The following NRG3 variants were observed in gnomAD, a reference collection of about 807,000 sequenced individuals.
The protein encoded by NRG3 is neuregulin 3.
A neutral mutation model predicts 66.9 loss-of-function variants in NRG3; 31 were observed. The observed-to-expected ratio is 0.46, with a 90% CI of 0.35 to 0.63. NRG3 has a LOEUF of 0.63. Ranked by LOEUF, NRG3 falls within the 20% of genes least tolerant of loss-of-function variation. The pLI, the probability that NRG3 is intolerant of heterozygous loss-of-function variation, is 0.00. For synonymous variants in NRG3, 393 were observed against 359.4 expected (o/e 1.09, Z -1.06); for missense variants, 910 against 878.9 (o/e 1.04, Z -0.45).
At chr10:82,055,423 A>G (rs1039035717) in intron 1 of NRG3, among the ~76,000 whole-genome samples, 9 of 137,970 alleles carry the variant, frequency 6.5e-5, no homozygotes, top group African/African-American at 2.4e-4. Context: ...TTTGCAGTGA[A>G]CCAAGATTGC....
chr10:82,098,738 C>CTTAT lies in NRG3; in HGVS notation c.823+222587_823+222590dup, dbSNP rs2066534234. On this transcript the variant is annotated intron_variant, in intron 1 of 8. Coordinates refer to ENST00000372141, the MANE Select transcript of NRG3 (RefSeq NM_001010848.4). ...GTATTTTTCCCAATTTGTGGTTTGT[C>CTTAT]TTATTTATTTATTTAGATAGCATCT... 1.3e-5 allele frequency among the ~76,000 whole-genome samples: 2 copies of CTTAT among 151,914 alleles called. 1 individual carries two copies. The highest frequency in any genetic ancestry group is 4.1e-4 in the South Asian group (2 of 4,822).
At chr10:81,991,625 A>C (rs1269797107) in intron 1 of NRG3, among the ~76,000 whole-genome samples, 1 of 152,188 alleles carries the variant, frequency 6.6e-6, no homozygotes, top group Non-Finnish European at 1.5e-5. Flanking sequence ...ATAAAAGCCT[A>C]TTTACCAGTT....
At chr10:82,223,652 C>A (rs943144248) in intron 1 of NRG3, among the ~76,000 whole-genome samples, 1 of 144,664 alleles carries the variant, frequency 6.9e-6, no homozygotes, top group African/African-American at 2.7e-5. Flanking sequence ...AACACACACA[C>A]ACACACACAC....
intron 2 of NRG3, among the ~76,000 whole-genome samples, chr10:82,579,513 G>C (rs578114940): frequency 6.6e-6 from 1 of 151,842 alleles, no homozygotes; most frequent in Admixed American, 6.6e-5. Flanking sequence ...AATTCCATTC[G>C]TATGTCTATA....
chr10:82,625,169 G>A (rs1042106057), intron 2 of NRG3, among the ~76,000 whole-genome samples: 1 of 151,720 alleles, frequency 6.6e-6, no homozygotes, highest in Non-Finnish European at 1.5e-5. Context: ...GCCACTTAAG[G>A]ATAAGGACAG....
chr10:82,014,153 A>G lies in NRG3; in HGVS notation c.823+137990A>G, dbSNP rs147129230. ...ATTGTAGCTCTTGAGGAATTTAGAAAGGGAGAGATCTTTAGGGGCTGGGAA... is the reference window on the plus strand; with the variant it reads ...ATTGTAGCTCTTGAGGAATTTAGAAGGGGAGAGATCTTTAGGGGCTGGGAA... On this transcript the variant is annotated intron_variant, in intron 1 of 8. Coordinates refer to ENST00000372141, the MANE Select transcript of NRG3 (RefSeq NM_001010848.4). Among the ~76,000 whole-genome samples the G allele has an allele frequency of 1.4e-4, 22 of 152,320 alleles. No individual in the cohort carries two copies. In the East Asian group the frequency reaches 4.3e-3, roughly 29 times the overall value.
At chr10:82,950,965 A>AT (rs1430295823) in intron 4 of NRG3, among the ~76,000 whole-genome samples, 5 of 152,020 alleles carry the variant, frequency 3.3e-5, no homozygotes, top group Admixed American at 1.3e-4. Context: ...GTGCCTATTG[A>AT]TTTTTTCTTC....
At chr10:82,456,548 T>A (rs1191177087) in intron 2 of NRG3, among the ~76,000 whole-genome samples, 1 of 152,074 alleles carries the variant, frequency 6.6e-6, no homozygotes, top group Non-Finnish European at 1.5e-5. Flanking sequence ...CACTAGGTAA[T>A]AGAAATTTTT....
intron 1 of NRG3, among the ~76,000 whole-genome samples, chr10:82,286,535 GCAGA>G (rs1486455024): frequency 1.3e-5 from 2 of 152,100 alleles, no homozygotes; most frequent in African/African-American, 2.4e-5. Context: ...GTAACAATGT[GCAGA>G]CAATTTAATT....
chr10:82,810,769 T>G lies in NRG3; in HGVS notation c.1028-54642T>G, dbSNP rs375075621. On this transcript the variant is annotated intron_variant, in intron 3 of 8. Transcript: ENST00000372141. ...AAAAAAAAAAAAAAGAAGAAGCGACTGCAATAGTCCAAGCCAGTGATGCTG... is the reference window on the plus strand; with the variant it reads ...AAAAAAAAAAAAAAGAAGAAGCGACGGCAATAGTCCAAGCCAGTGATGCTG... Among the ~76,000 whole-genome samples, 56 of 148,418 alleles carry G rather than the reference T, an allele frequency of 3.8e-4. No individual in the cohort carries two copies. The East Asian group carries it at 9.8e-3, about 26-fold the overall frequency.
intron 1 of NRG3, among the ~76,000 whole-genome samples, chr10:82,026,136 A>G (rs976620825): frequency 6.6e-6 from 1 of 151,956 alleles, no homozygotes; most frequent in Non-Finnish European, 1.5e-5. Context: ...TCCTTTCCAA[A>G]GCAAATGAAA....
chr10:82,113,765 G>C (rs888625049), intron 1 of NRG3, among the ~76,000 whole-genome samples: 2 of 151,942 alleles, frequency 1.3e-5, no homozygotes, highest in East Asian at 1.9e-4. Context: ...CAAGGTGAAG[G>C]GTATGTGAAA....
chr10:82,326,688 T>C (rs1000407850), intron 1 of NRG3, among the ~76,000 whole-genome samples: 4 of 152,146 alleles, frequency 2.6e-5, no homozygotes, highest in Non-Finnish European at 5.9e-5. Context: ...ATCCAGTGCA[T>C]TTGTTATTTC....
chr10:81,898,978 A>C (rs1843775604), intron 1 of NRG3, among the ~76,000 whole-genome samples: 1 of 152,170 alleles, frequency 6.6e-6, no homozygotes, highest in African/African-American at 2.4e-5. Flanking sequence ...TAATTTTCTT[A>C]AATTTTTCAT....
chr10:82,972,435 A>G (rs1029549466), intron 6 of NRG3, among the ~76,000 whole-genome samples: 1 of 152,136 alleles, frequency 6.6e-6, no homozygotes. Flanking sequence ...TAAAGCCGAC[A>G]TTTTAAGAAA....
intron 1 of NRG3, among the ~76,000 whole-genome samples, chr10:81,976,568 A>G (rs962174218): frequency 1.3e-5 from 2 of 152,234 alleles, no homozygotes; most frequent in African/African-American, 4.8e-5. Flanking sequence ...CAATGGAAAG[A>G]AACACATTTT....
chr10:82,817,040 A>T (rs2061740382), intron 3 of NRG3, among the ~76,000 whole-genome samples: 2 of 152,352 alleles, frequency 1.3e-5, no homozygotes, highest in Non-Finnish European at 2.9e-5. Context: ...AAGAAATTGT[A>T]TCAGTTTTGG....
chr10:82,701,409 A>C (rs2055870717), intron 2 of NRG3, among the ~76,000 whole-genome samples: 2 of 152,130 alleles, frequency 1.3e-5, no homozygotes, highest in Admixed American at 1.3e-4. Flanking sequence ...TCAGAATTAC[A>C]TGGTTGTTCT....
chr10:82,268,336 C>T lies in NRG3; in HGVS notation c.824-90403C>T, dbSNP rs148110899. 4.7e-3 allele frequency among the ~76,000 whole-genome samples: 720 copies of T among 152,222 alleles called. 6 individuals carry two copies. The highest frequency in any genetic ancestry group is 0.017 in the African/African-American group (690 of 41,554). ...AAGTCATTGCTTGTATCAAATGGAA[C>T]AGATGGACCCCAAACCCAGTGTGGC... On this transcript the variant is annotated intron_variant, in intron 1 of 8. Coordinates refer to ENST00000372141, the MANE Select transcript of NRG3 (RefSeq NM_001010848.4).
Sources: gnomAD v4.1 joint callset for allele counts (sites outside exome capture counted in the v4.1 genomes callset) on GRCh38, gnomAD v4.1.1 for gene constraint, MANE v1.5 for transcripts, NCBI Gene and HGNC (gene_info 2026-07-23, HGNC 2026-07-21) for gene names.